SLC10A7: variants seen among roughly 807,000 people sequenced by gnomAD.
SLC10A7 encodes sodium/bile acid cotransporter 7.
A neutral mutation model predicts 43.2 loss-of-function variants in SLC10A7; 29 were observed. The observed-to-expected ratio is 0.67, with a 90% confidence interval of 0.50 to 0.92. SLC10A7 has a LOEUF of 0.92. Ranked by LOEUF, SLC10A7 falls within the 40% of genes least tolerant of loss-of-function variation. The probability of loss-of-function intolerance (pLI) is 0.00; values close to 1 mark genes in which losing one functional copy is unlikely to be tolerated. For synonymous variants in SLC10A7, 152 were observed against 144.8 expected (o/e 1.05, Z -0.35); for missense variants, 295 against 403.2 (o/e 0.73, Z 2.30).
chr4:146,408,288 C>T (rs1053356983), intron 5 of SLC10A7, among the ~76,000 whole-genome samples: 1 of 152,090 alleles, frequency 6.6e-6, no homozygotes, highest in African/African-American at 2.4e-5. Context: ...TGGCTCACAG[C>T]TATGATCTTA....
At chr4:146,300,773 G>T (rs904076498) in intron 7 of SLC10A7, among the ~76,000 whole-genome samples, 5 of 152,040 alleles carry the variant, frequency 3.3e-5, no homozygotes, top group South Asian at 2.1e-4. Flanking sequence ...CCTTAAAAAA[G>T]ATATACTTTT....
At chr4:146,492,842 T>C (rs1488748150) in intron 4 of SLC10A7, among the ~76,000 whole-genome samples, 1 of 152,166 alleles carries the variant, frequency 6.6e-6, no homozygotes, top group Admixed American at 6.5e-5. Context: ...ATGGGTCTTA[T>C]ATGTTTTTTT....
At chr4:146,494,972 T>G (rs895057506) in intron 4 of SLC10A7, among the ~76,000 whole-genome samples, 6 of 152,146 alleles carry the variant, frequency 3.9e-5, no homozygotes, top group African/African-American at 1.4e-4. Context: ...TCTTTCTACC[T>G]CCTAAGAACT....
chr4:146,479,807 G>A (rs1016310976), intron 4 of SLC10A7, among the ~76,000 whole-genome samples: 5 of 152,022 alleles, frequency 3.3e-5, no homozygotes, highest in Admixed American at 2.6e-4. Flanking sequence ...AAAACCCAAA[G>A]ACAATAAAAA....
At chr4:146,315,466 AC>A (rs1305424386) in intron 6 of SLC10A7, among the ~76,000 whole-genome samples, 6 of 152,156 alleles carry the variant, frequency 3.9e-5, no homozygotes, top group African/African-American at 1.4e-4. Flanking sequence ...GCAAATGAAA[AC>A]AAAAAACTGA....
At chr4:146,377,736 T>A (rs900890582) in intron 5 of SLC10A7, among the ~76,000 whole-genome samples, 4 of 152,188 alleles carry the variant, frequency 2.6e-5, no homozygotes, top group Non-Finnish European at 4.4e-5. Flanking sequence ...TCTTATTATA[T>A]CACAATATTC....
chr4:146,339,338 T>C (rs1463896258), intron 5 of SLC10A7, among the ~76,000 whole-genome samples: 2 of 151,972 alleles, frequency 1.3e-5, no homozygotes, highest in Non-Finnish European at 2.9e-5. Context: ...TGACGATCAA[T>C]ACTGAGTATA....
intron 9 of SLC10A7, among the ~76,000 whole-genome samples, chr4:146,291,860 A>G (rs1434066986): frequency 1.3e-5 from 2 of 152,232 alleles, no homozygotes; most frequent in Non-Finnish European, 2.9e-5. Flanking sequence ...CACTTGGGTT[A>G]TCAGTGCAAG....
intron 4 of SLC10A7, among the ~76,000 whole-genome samples, chr4:146,456,398 C>T (rs1438450049): frequency 2.0e-5 from 3 of 151,884 alleles, no homozygotes; most frequent in Non-Finnish European, 4.4e-5. Context: ...GTGTCAAACT[C>T]CACAAGTTAA....
At chr4:146,467,318 T>C (rs1733115765) in intron 4 of SLC10A7, among the ~76,000 whole-genome samples, 1 of 152,064 alleles carries the variant, frequency 6.6e-6, no homozygotes, top group Non-Finnish European at 1.5e-5. Context: ...AATTAATCAT[T>C]TTTCTACACA....
intron 10 of SLC10A7, among the ~76,000 whole-genome samples, chr4:146,276,880 G>A (rs915945225): frequency 2.6e-5 from 4 of 152,186 alleles, no homozygotes; most frequent in Admixed American, 2.6e-4. Flanking sequence ...TTGGAGCCCA[G>A]GAGTTGGAGG....
intron 5 of SLC10A7, among the ~76,000 whole-genome samples, chr4:146,378,968 T>C (rs1465198976): frequency 1.3e-5 from 2 of 152,026 alleles, no homozygotes; most frequent in East Asian, 1.9e-4. Context: ...CCCCATAATA[T>C]ACCCTTTCCA....
At chr4:146,474,659 T>C (rs976481853) in intron 4 of SLC10A7, among the ~76,000 whole-genome samples, 1 of 152,162 alleles carries the variant, frequency 6.6e-6, no homozygotes, top group Admixed American at 6.5e-5. Flanking sequence ...AGGACAGAAT[T>C]ATAGTATGAT....
intron 4 of SLC10A7, among the ~76,000 whole-genome samples, chr4:146,470,412 A>G (rs955706763): frequency 1.3e-5 from 2 of 151,664 alleles, no homozygotes; most frequent in Non-Finnish European, 2.9e-5. Context: ...ATAAATATAT[A>G]CACATGCCAT....
intron 5 of SLC10A7, among the ~76,000 whole-genome samples, chr4:146,328,080 C>T (rs1026984938): frequency 6.6e-6 from 1 of 152,120 alleles, no homozygotes; most frequent in Non-Finnish European, 1.5e-5. Flanking sequence ...TGGGAGGCCT[C>T]AAGAGAAGCC....
intron 4 of SLC10A7, among the ~76,000 whole-genome samples, chr4:146,470,372 A>ATATG (rs1158778469): frequency 6.6e-6 from 1 of 151,224 alleles, no homozygotes; most frequent in African/African-American, 2.4e-5. Flanking sequence ...ATAAATGTAC[A>ATATG]TACGTATATA....
At chr4:146,336,392 A>G (rs535850731) in intron 5 of SLC10A7, among the ~76,000 whole-genome samples, 1 of 152,264 alleles carries the variant, frequency 6.6e-6, no homozygotes, top group Non-Finnish European at 1.5e-5. Context: ...GTAACTCCTT[A>G]CAACCCACTA....
intron 1 of SLC10A7, among the ~76,000 whole-genome samples, chr4:146,517,750 A>G (rs1462641327): frequency 1.3e-5 from 2 of 152,198 alleles, no homozygotes; most frequent in Non-Finnish European, 2.9e-5. Flanking sequence ...CAGCACTTAT[A>G]TAACAATCAA....
chr4:146,490,466 T>A (rs992739180), intron 4 of SLC10A7, among the ~76,000 whole-genome samples: 1 of 152,176 alleles, frequency 6.6e-6, no homozygotes, highest in Non-Finnish European at 1.5e-5. Context: ...AATAAATATA[T>A]AAAATATTTT....
Sources: gnomAD v4.1 joint callset for allele counts (sites outside exome capture counted in the v4.1 genomes callset) on GRCh38, gnomAD v4.1.1 for gene constraint, MANE v1.5 for transcripts, NCBI Gene and HGNC (gene_info 2026-07-23, HGNC 2026-07-21) for gene names.